ARPIN: variants seen among roughly 807,000 people sequenced by gnomAD.
The protein encoded by ARPIN is UPF0552 protein C15orf38.
A neutral mutation model predicts 25.9 loss-of-function variants in ARPIN; 23 were observed. That is an observed-to-expected ratio of 0.89 (90% CI 0.64 to 1.26). The LOEUF is 1.26. Among genes scored for constraint, ARPIN ranks in the 50% most tolerant of loss-of-function variants. The pLI, the probability that ARPIN is intolerant of heterozygous loss-of-function variation, is 0.00. For synonymous variants in ARPIN, 126 were observed against 131.4 expected (o/e 0.96, Z 0.28); for missense variants, 333 against 312.2 (o/e 1.07, Z -0.50).
chr15:89,903,906 C>G lies in ARPIN; in HGVS notation c.379G>C (p.Ala127Pro). The G allele has an allele frequency of 6.2e-7, 1 of 1,613,658 alleles. No individual in the cohort carries two copies. The highest frequency in any genetic ancestry group is 8.5e-7 in the Non-Finnish European group (1 of 1,180,034). ...KGLVNKPELLALTESLTPDHT... is the reference protein window; with the variant it reads ...KGLVNKPELLPLTESLTPDHT... The stretch of plus-strand genomic sequence containing the variant: ...TCGGGGGTGAGGCTCTCTGTCAGCG[C>G]GAGCAGCTCTGGCTTGTTGACCAGC... The change falls in exon 4 of 6, where the codon GCG becomes CCG. Residue 127 changes from alanine to proline, a missense_variant. Coordinates refer to ENST00000357484, the MANE Select transcript of ARPIN (RefSeq NM_182616.4).
chr15:89,902,772 A>G (rs2141918763), intron 5 of ARPIN: 1 of 827,956 alleles, frequency 1.2e-6, no homozygotes, highest in East Asian at 8.5e-5. Context: ...GTGGGGACTG[A>G]CTCTCATCAA....
At position 89,896,679 on chromosome 15, in the gene ARPIN, G is replaced by A. The variant is rs1896935958; in HGVS notation, c.*5116C>T. On this transcript the variant is annotated 3_prime_UTR_variant, in exon 6 of 6. Transcript: ENST00000357484. The stretch of plus-strand genomic sequence containing the variant: ...GGTTATATTTAAAATGCAAATAACT[G>A]ATAAACTAAAAAGATAACACTCCCC... 1 of 151,940 alleles carries A rather than the reference G, an allele frequency of 6.6e-6. No individual in the cohort carries two copies. The highest frequency in any genetic ancestry group is 1.5e-5 in the Non-Finnish European group (1 of 67,998). 9.4% of individuals were successfully genotyped at this position (151,940 alleles called of 1,614,324 possible). A position where few individuals can be genotyped will look rare whatever the true frequency, so the allele number is the denominator to read the frequency against.
chr15:89,903,855 C>G lies in ARPIN; in HGVS notation c.430G>C (p.Glu144Gln). 6.2e-7 allele frequency: 1 copy of G among 1,614,168 alleles called. No homozygotes were observed. Among genetic ancestry groups the G allele is most frequent in the Non-Finnish European group, 8.5e-7 (1 of 1,180,036 alleles). Residue 144 changes from glutamate (E) to glutamine (Q), a missense_variant, in exon 4 of 6, where the codon GAG (glutamate) becomes CAG (glutamine). Coordinates refer to ENST00000357484, the MANE Select transcript of ARPIN (RefSeq NM_182616.4). Reference sequence around the variant, plus strand: ...AGTTCCATCACCTCCATCTCTGACTCGGGCATCCAGAACGCCACTGTGTGG... The same window carrying G: ...AGTTCCATCACCTCCATCTCTGACTGGGGCATCCAGAACGCCACTGTGTGG... ...PDHTVAFWMP[E>Q]SEMEVMELEL...
intron 1 of ARPIN, 85 bp downstream of exon 1, chr15:89,912,659 C>CCCCTGGG: frequency 8.6e-6 from 10 of 1,161,490 alleles, no homozygotes; most frequent in Non-Finnish European, 6.4e-6. Flanking sequence ...TTCCCCCACC[C>CCCCTGGG]GCATCCCACC....
At position 89,901,810 on chromosome 15, in the gene ARPIN, A is replaced by G. The variant is rs750072796; in HGVS notation, c.673-7T>C. On this transcript the variant is annotated splice_region_variant and splice_polypyrimidine_tract_variant and intron_variant, in intron 5 of 5. Transcript: ENST00000357484. Reference sequence around the variant, plus strand: ...GCCACGTCCCTCAGTCATCCTAGAGAAATCCAAGGGGTAAAGAGATGTGGA... The same window carrying G: ...GCCACGTCCCTCAGTCATCCTAGAGGAATCCAAGGGGTAAAGAGATGTGGA... The G allele has an allele frequency of 6.2e-7, 1 of 1,613,888 alleles. No homozygotes were observed. The highest frequency in any genetic ancestry group is 2.2e-5 in the East Asian group (1 of 44,880).
intron 4 of ARPIN, 52 bp from the exon 5 acceptor site, chr15:89,903,431 G>T (rs1329721344): frequency 1.2e-6 from 2 of 1,608,998 alleles, no homozygotes; most frequent in Non-Finnish European, 8.5e-7. Flanking sequence ...CAGAAACATA[G>T]TGAGGGCTGG....
Position 89,901,529 on chromosome 15 carries a change from G to A in ARPIN, c.*266C>T. On this transcript the variant is annotated 3_prime_UTR_variant, in exon 6 of 6. Coordinates refer to ENST00000357484, the MANE Select transcript of ARPIN (RefSeq NM_182616.4). ...CCTCCATCTCTAATTTTTTTTTAAA[G>A]GGTCATCATGTAATGTCTAGGAAGG... The A allele has an allele frequency of 2.0e-6, 1 of 500,116 alleles. No homozygotes were observed. The highest frequency in any genetic ancestry group is 2.6e-5 in the South Asian group (1 of 37,930). The allele number at this position is 500,116 out of a possible 1,614,324, so 31.0% of individuals were successfully genotyped here.
At position 89,900,743 on chromosome 15, in the gene ARPIN, G is replaced by T. The variant is rs955175536; in HGVS notation, c.*1052C>A. On this transcript the variant is annotated 3_prime_UTR_variant, in exon 6 of 6. Transcript: ENST00000357484. ...GACTTCAATTCCAGGTCTCTTCACA[G>T]ATCTGGGTGTGGGTATACTACCCAA... 6 of 152,172 alleles carry T rather than the reference G, an allele frequency of 3.9e-5. No individual in the cohort carries two copies. Among genetic ancestry groups the T allele is most frequent in the Non-Finnish European group, 7.3e-5 (5 of 68,042 alleles). 9.4% of individuals were successfully genotyped at this position (152,172 alleles called of 1,614,324 possible).
At chr15:89,911,878 G>A (rs781600219) in intron 1 of ARPIN, among the ~76,000 whole-genome samples, 3 of 152,160 alleles carry the variant, frequency 2.0e-5, no homozygotes, top group Non-Finnish European at 4.4e-5. Context: ...CCAGGATGGA[G>A]TGCAGTGGCA....
rs200766757 is a variant in ARPIN at position 89,908,451 on chromosome 15, T to A, written c.169-39A>T. On this transcript the variant is annotated intron_variant, in intron 2 of 5. Transcript: ENST00000357484. ...GACAGAGAGTGAGGGGGCGGCTTCA[T>A]CCCACAACACACACACTCTGGGCTC... is the stretch of plus-strand genomic sequence containing the variant. 3.3e-4 allele frequency: 527 copies of A among 1,611,120 alleles called. 1 individual carries two copies. In the African/African-American group the frequency reaches 6.4e-3, roughly 19 times the overall value.
intron 3 of ARPIN, among the ~76,000 whole-genome samples, chr15:89,906,484 G>A (rs1052926528): frequency 2.6e-5 from 4 of 152,084 alleles, no homozygotes; most frequent in African/African-American, 7.2e-5. Flanking sequence ...CCCTGCTCTA[G>A]GGCATCCCCA....
intron 3 of ARPIN, 96 bp from the exon 4 acceptor site, chr15:89,904,079 G>C: frequency 7.0e-7 from 1 of 1,419,468 alleles, no homozygotes; most frequent in Non-Finnish European, 9.4e-7. Flanking sequence ...GTGTTTCCAA[G>C]CTCAGTCACC....
At chr15:89,903,711 G>T in intron 4 of ARPIN, 66 bp downstream of exon 4, 1 of 1,590,282 alleles carries the variant, frequency 6.3e-7, no homozygotes, top group Middle Eastern at 1.7e-4. Context: ...CTAGGCAGAA[G>T]GGAGGCCAAG....
intron 2 of ARPIN, among the ~76,000 whole-genome samples, chr15:89,909,717 T>A (rs1225809731): frequency 6.6e-6 from 1 of 152,018 alleles, no homozygotes; most frequent in Non-Finnish European, 1.5e-5. Flanking sequence ...CAAGGTTTTA[T>A]CAGGACAGGC....
chr15:89,910,969 A>G (rs1454521010), intron 1 of ARPIN, 150 bp from the exon 2 acceptor site: 1 of 985,558 alleles, frequency 1.0e-6, no homozygotes, highest in African/African-American at 1.6e-5. Context: ...AAAGGGTCCC[A>G]AAGGCTGGGG....
intron 3 of ARPIN, among the ~76,000 whole-genome samples, chr15:89,907,634 T>G (rs1897145871): frequency 1.3e-5 from 2 of 152,106 alleles, no homozygotes; most frequent in African/African-American, 4.8e-5. Flanking sequence ...TCCAGAACTG[T>G]AAGCCAGACA....
Position 89,912,943 on chromosome 15 carries a change from A to G in ARPIN, c.-108T>C. 4.4e-6 allele frequency: 6 copies of G among 1,355,400 alleles called. No homozygotes were observed. Among genetic ancestry groups the G allele is most frequent in the Non-Finnish European group, 5.7e-6 (6 of 1,045,668 alleles). The allele number at this position is 1,355,400 out of a possible 1,614,324, so 84.0% of individuals were successfully genotyped here. ...GGGACCCGCGATTCCCAGCCGGCGGATCCGGGAATGGCGCGGCCCGGCCCT... is the reference window on the plus strand; with the variant it reads ...GGGACCCGCGATTCCCAGCCGGCGGGTCCGGGAATGGCGCGGCCCGGCCCT... On this transcript the variant is annotated 5_prime_UTR_variant, in exon 1 of 6. Coordinates refer to ENST00000357484, the MANE Select transcript of ARPIN (RefSeq NM_182616.4).
In ARPIN at chr15:89,903,331, G is replaced by C; in HGVS notation, c.557C>G (p.Thr186Ser). 1 of 1,614,212 alleles carries C rather than the reference G, an allele frequency of 6.2e-7. No individual in the cohort carries two copies. The highest frequency in any genetic ancestry group is 8.5e-7 in the Non-Finnish European group (1 of 1,180,044). The change falls in exon 5 of 6, where the codon ACT becomes AGT. Residue 186 changes from threonine (T) to serine (S), a missense_variant. Transcript: ENST00000357484. The part of the protein sequence containing the change: ...EAGTVTKCNF[T>S]GDGKTGASWT... ...GGATGCCCCTGTCTTTCCATCACCA[G>C]TGAAATTACACTTGGTCACTGTTCC... is the stretch of plus-strand genomic sequence containing the variant.
intron 2 of ARPIN, among the ~76,000 whole-genome samples, chr15:89,909,032 G>A (rs189105072): frequency 5.4e-4 from 82 of 152,184 alleles, no homozygotes; most frequent in African/African-American, 1.8e-3. Context: ...CCCGAGGACC[G>A]CAAATACCAT....
Sources: gnomAD v4.1 joint callset for allele counts (sites outside exome capture counted in the v4.1 genomes callset) on GRCh38, gnomAD v4.1.1 for gene constraint, MANE v1.5 for transcripts, NCBI Gene and HGNC (gene_info 2026-07-23, HGNC 2026-07-21) for gene names.